The following MOSPD2 variants were observed in gnomAD, a reference collection of about 807,000 sequenced individuals.
MOSPD2 encodes motile sperm domain containing 2.
MOSPD2 carries 5 observed loss-of-function variants against 41.7 expected under a neutral mutation model. The ratio of observed to expected loss-of-function variants is 0.12; its 90% CI spans 0.06 to 0.25. The LOEUF is 0.25. Among genes scored for constraint, MOSPD2 ranks in the 10% least tolerant of loss-of-function variants. The pLI, the probability that MOSPD2 is intolerant of heterozygous loss-of-function variation, is 1.00. For synonymous variants in MOSPD2, 115 were observed against 126.9 expected, an observed-to-expected ratio of 0.91 and a Z score of 0.63; for missense variants, 282 against 375.2, an observed-to-expected ratio of 0.75 and a Z score of 2.05.
chrX:14,911,211 G>C (rs2092591157), intron 8 of MOSPD2, 26 bp from the exon 9 acceptor site: 4 of 1,156,172 alleles, frequency 3.5e-6, no homozygotes, highest in Non-Finnish European at 4.6e-6. Flanking sequence ...CATTTAGTAG[G>C]CTCATGTGAA....
chrX:14,919,257 A>G (rs1202350360), intron 14 of MOSPD2, among the ~76,000 whole-genome samples: 2 of 112,065 alleles, frequency 1.8e-5, no homozygotes, highest in Non-Finnish European at 1.9e-5. Flanking sequence ...TTGGAGATCT[A>G]CTAACCATTT....
intron 2 of MOSPD2, among the ~76,000 whole-genome samples, chrX:14,884,800 T>C (rs1256901835): frequency 9.0e-6 from 1 of 111,625 alleles, no homozygotes; most frequent in Non-Finnish European, 1.9e-5. Flanking sequence ...GGTAAAATGT[T>C]ACTTAGGGTG....
At chrX:14,876,063 A>G (rs764822835) in intron 2 of MOSPD2, among the ~76,000 whole-genome samples, 5 of 112,182 alleles carry the variant, frequency 4.5e-5, no homozygotes, top group Non-Finnish European at 7.5e-5. Flanking sequence ...GATTGGTCCA[A>G]TTTTAAAGAT....
At chrX:14,886,860 T>A (rs2147482809) in intron 2 of MOSPD2, among the ~76,000 whole-genome samples, 1 of 112,265 alleles carries the variant, frequency 8.9e-6, no homozygotes, top group Admixed American at 9.4e-5. Flanking sequence ...ATCACTGCTA[T>A]AAACCAATGG....
At chrX:14,884,151 T>G (rs1389745022) in intron 2 of MOSPD2, among the ~76,000 whole-genome samples, 1 of 110,662 alleles carries the variant, frequency 9.0e-6, no homozygotes, top group African/African-American at 3.3e-5. Flanking sequence ...TTTTTAGGCA[T>G]GCAAAGATTG....
intron 3 of MOSPD2, among the ~76,000 whole-genome samples, chrX:14,894,811 A>G (rs781051573): frequency 9.0e-6 from 1 of 111,319 alleles, no homozygotes; most frequent in Non-Finnish European, 1.9e-5. Context: ...AAAGTCTACT[A>G]GATAACAAAC....
intron 2 of MOSPD2, chrX:14,874,123 C>A: frequency 4.3e-6 from 1 of 233,588 alleles, no homozygotes. Flanking sequence ...GAAAATGTAC[C>A]TGGAAACTGC....
chrX:14,899,606 A>ACACACACAC (rs1569103813), intron 5 of MOSPD2, among the ~76,000 whole-genome samples: 6 of 105,590 alleles, frequency 5.7e-5, no homozygotes, highest in Non-Finnish European at 9.7e-5. Context: ...ACACACACAC[A>ACACACACAC]AAGGTATTAT....
chrX:14,882,925 T>A (rs1157086058), intron 2 of MOSPD2, among the ~76,000 whole-genome samples: 2 of 111,074 alleles, frequency 1.8e-5, no homozygotes, highest in Admixed American at 9.5e-5. Context: ...TGCTGGGCGC[T>A]GTGGCTCACG....
Position 14,892,717 on chromosome X carries a change from C to T in MOSPD2, c.80-6C>T, listed in dbSNP as rs747465013. Reference sequence around the variant, plus strand: ...ACTTGGATGTTTATTACTGTTTTTTCCCTAGATAAGTCAGATAAATATGAT... The same window carrying T: ...ACTTGGATGTTTATTACTGTTTTTTTCCTAGATAAGTCAGATAAATATGAT... On this transcript the variant is annotated splice_region_variant and splice_polypyrimidine_tract_variant and intron_variant, in intron 2 of 14. Transcript: ENST00000380492. The T allele has an allele frequency of 4.9e-5, 58 of 1,181,820 alleles. No homozygotes were observed. The highest frequency in any genetic ancestry group is 6.4e-5 in the Non-Finnish European group (56 of 876,474).
chrX:14,922,141 T>C lies in MOSPD2; in HGVS notation c.*2332T>C, dbSNP rs2092610888. On this transcript the variant is annotated 3_prime_UTR_variant, in exon 15 of 15. Coordinates refer to ENST00000380492, the MANE Select transcript of MOSPD2 (RefSeq NM_152581.4). ...TATTGTACAACTACAAAAAAAAATA[T>C]ATTCCTAGAATTGTTGCCAGTGTAA... 9.0e-6 allele frequency: 1 copy of C among 111,605 alleles called. No homozygotes were observed. Among genetic ancestry groups the C allele is most frequent in the Admixed American group, 9.6e-5 (1 of 10,436 alleles). 9.2% of individuals were successfully genotyped at this position (111,605 alleles called of 1,213,427 possible). A position where few individuals can be genotyped will look rare whatever the true frequency, so the allele number is the denominator to read the frequency against.
At chrX:14,893,692 A>T (rs1484171679) in intron 3 of MOSPD2, among the ~76,000 whole-genome samples, 1 of 112,297 alleles carries the variant, frequency 8.9e-6, no homozygotes, top group Non-Finnish European at 1.9e-5. Flanking sequence ...CAGAGCAGAT[A>T]CTCTCCTCAC....
chrX:14,910,390 T>C (rs376493336), intron 8 of MOSPD2, among the ~76,000 whole-genome samples: 10 of 111,561 alleles, frequency 9.0e-5, no homozygotes, highest in African/African-American at 3.2e-4. Context: ...CATCTTTTAT[T>C]TTGCAGGTTA....
intron 2 of MOSPD2, among the ~76,000 whole-genome samples, chrX:14,889,615 T>C (rs772442949): frequency 9.2e-6 from 1 of 108,519 alleles, no homozygotes; most frequent in Non-Finnish European, 1.9e-5. Context: ...CCAACCCCCA[T>C]GTGCCTAGCT....
At chrX:14,886,682 A>T (rs925615101) in intron 2 of MOSPD2, among the ~76,000 whole-genome samples, 2 of 111,696 alleles carry the variant, frequency 1.8e-5, no homozygotes, top group Non-Finnish European at 3.8e-5. Context: ...GTAGAACAAC[A>T]GTTCTCAAAG....
At chrX:14,907,494 A>T (rs186344334) in intron 7 of MOSPD2, among the ~76,000 whole-genome samples, 98 of 112,652 alleles carry the variant, frequency 8.7e-4, no homozygotes, top group African/African-American at 2.8e-3. Context: ...CAAATATTGC[A>T]TATCTATAAA....
At position 14,912,372 on chromosome X, in the gene MOSPD2, A is replaced by C; in HGVS notation, c.992+11A>C. 1 of 1,017,820 alleles carries C rather than the reference A, an allele frequency of 9.8e-7. No homozygotes were observed. The highest frequency in any genetic ancestry group is 1.3e-6 in the Non-Finnish European group (1 of 760,047). 83.9% of individuals were successfully genotyped at this position (1,017,820 alleles called of 1,213,427 possible). ...CTTACTACACATCAGGTAATCGTCA[A>C]AGATTTTATTAGCTATAATTTTATA... On this transcript the variant is annotated intron_variant, in intron 10 of 14. Transcript: ENST00000380492.
chrX:14,896,857 C>G (rs2092564045), intron 4 of MOSPD2, among the ~76,000 whole-genome samples: 1 of 112,626 alleles, frequency 8.9e-6, no homozygotes, highest in Non-Finnish European at 1.9e-5. Context: ...TTCCCTCTTA[C>G]AAGTGAAATT....
At position 14,916,313 on chromosome X, in the gene MOSPD2, G is replaced by A; in HGVS notation, c.1303G>A (p.Val435Met). The A allele has an allele frequency of 8.3e-7, 1 of 1,211,685 alleles. No homozygotes were observed. The highest frequency in any genetic ancestry group is 2.3e-4 in the Middle Eastern group (1 of 4,348). Residue 435 changes from valine to methionine, a missense_variant, in exon 13 of 15, where the codon GTG (valine) becomes ATG (methionine). Around this residue, in one of 3 missense-constraint regions of MOSPD2, gnomAD observed 94 missense variants for 102.1 expected, o/e 0.92. Transcript: ENST00000380492. ...TTGGAAAGAAGTTCCCAGAAACAAA[G>A]TGATGGAACATAGGTAAGCTTTTCC... is the stretch of plus-strand genomic sequence containing the variant. ...QFWKEVPRNK[V>M]MEHRLRCHTV...
Sources: gnomAD v4.1 joint callset for allele counts (sites outside exome capture counted in the v4.1 genomes callset) on GRCh38, gnomAD v4.1.1 for gene constraint, gnomAD v4.1.1 regional missense constraint, MANE v1.5 for transcripts, NCBI Gene and HGNC (gene_info 2026-07-23, HGNC 2026-07-21) for gene names.